CCSAP: variants seen among roughly 807,000 people sequenced by gnomAD.
CCSAP encodes the protein centriole, cilia and spindle associated protein.
In CCSAP, 17 loss-of-function variants were observed where a neutral mutation model predicts 25.9. The ratio of observed to expected loss-of-function variants is 0.66; its 90% CI spans 0.45 to 0.99. The LOEUF (loss-of-function observed/expected upper bound fraction) is 0.99. CCSAP is among the 50% of genes least tolerant of loss of function. The pLI, the probability that CCSAP is intolerant of heterozygous loss-of-function variation, is 0.00. For missense variants in CCSAP, 339 were observed against 367.8 expected (o/e 0.92, Z 0.64); for synonymous variants, 169 against 157.1 (o/e 1.08, Z -0.57).
At chr1:229,327,562 T>C (rs1238936460) in intron 2 of CCSAP, 1 of 456,008 alleles carries the variant, frequency 2.2e-6, no homozygotes, top group Non-Finnish European at 4.4e-6. Flanking sequence ...GCATTCCCTG[T>C]GGGAAGAGTT....
At chr1:229,330,254 A>T (rs1658036402) in intron 2 of CCSAP, among the ~76,000 whole-genome samples, 1 of 152,142 alleles carries the variant, frequency 6.6e-6, no homozygotes. Context: ...CCCCTAAAGG[A>T]TGAGGAAAGG....
intron 2 of CCSAP, among the ~76,000 whole-genome samples, chr1:229,328,800 C>A (rs982003382): frequency 3.9e-5 from 6 of 152,184 alleles, no homozygotes; most frequent in Non-Finnish European, 8.8e-5. Context: ...GGTCATCTGC[C>A]ACGTCTGCCT....
Position 229,326,816 on chromosome 1 carries a change from A to G in CCSAP, c.558T>C (p.Leu186=). The G allele has an allele frequency of 6.2e-7, 1 of 1,614,186 alleles. No individual in the cohort carries two copies. ...KIKENKHPFA[L]YGWGEKQTDT... The stretch of plus-strand genomic sequence containing the variant: ...CGGTCTGTTTTTCTCCCCAGCCATA[A>G]AGAGCAAATGGATGCTTGTTTTCTT... Residue 186 remains leucine, a synonymous_variant, in exon 3 of 4, where the codon CTT becomes CTC. Coordinates refer to ENST00000284617, the MANE Select transcript of CCSAP (RefSeq NM_145257.5).
intron 2 of CCSAP, among the ~76,000 whole-genome samples, chr1:229,331,964 T>C (rs891166720): frequency 3.3e-5 from 5 of 151,956 alleles, no homozygotes; most frequent in Non-Finnish European, 7.4e-5. Context: ...CACCTCAGCC[T>C]CCCAAATAGC....
At position 229,340,513 on chromosome 1, in the gene CCSAP, G is replaced by A. The variant is rs1439785659; in HGVS notation, c.367+1586C>T. 8.5e-6 allele frequency: 6 copies of A among 706,518 alleles called. No individual in the cohort carries two copies. In the African/African-American group the frequency reaches 8.8e-5, roughly 10 times the overall value. 43.8% of individuals were successfully genotyped at this position (706,518 alleles called of 1,614,324 possible). On this transcript the variant is annotated intron_variant, in intron 2 of 3. Coordinates refer to ENST00000284617, the MANE Select transcript of CCSAP (RefSeq NM_145257.5). ...CACAAACAATAAAAGATCGGGGAGA[G>A]AAAAGCCATTTAGCCTGATAAAGTA... is the stretch of plus-strand genomic sequence containing the variant.
At chr1:229,337,700 C>CAAATATATATAT (rs1658226621) in intron 2 of CCSAP, among the ~76,000 whole-genome samples, 1 of 45,628 alleles carries the variant, frequency 2.2e-5, no homozygotes, top group Non-Finnish European at 4.8e-5. Context: ...TATATATATA[C>CAAATATATATAT]ACATACATAT....
At chr1:229,329,683 G>C (rs1052635546) in intron 2 of CCSAP, among the ~76,000 whole-genome samples, 4 of 152,174 alleles carry the variant, frequency 2.6e-5, no homozygotes, top group Admixed American at 1.3e-4. Flanking sequence ...GGTGGTGCCA[G>C]GATGTTTTTT....
In CCSAP at chr1:229,321,783, C is replaced by G. The variant is rs1430911323; in HGVS notation, c.*3452G>C. ...ACTTTTGAACACTTTAAAGAAAGTA[C>G]AGTCGGCCCTCTGTATCCGTGAGTT... On this transcript the variant is annotated 3_prime_UTR_variant, in exon 4 of 4. Coordinates refer to ENST00000284617, the MANE Select transcript of CCSAP (RefSeq NM_145257.5). 6.6e-6 allele frequency: 1 copy of G among 152,194 alleles called. No homozygotes were observed. Among genetic ancestry groups the G allele is most frequent in the Non-Finnish European group, 1.5e-5 (1 of 68,034 alleles). The allele number at this position is 152,194 out of a possible 1,614,324, so 9.4% of individuals were successfully genotyped here. A position where few individuals can be genotyped will look rare whatever the true frequency, so the allele number is the denominator to read the frequency against.
At chr1:229,327,335 A>G (rs1657963577) in intron 2 of CCSAP, 2 of 363,294 alleles carry the variant, frequency 5.5e-6, no homozygotes, top group Non-Finnish European at 5.4e-6. Context: ...CAATCCCCCA[A>G]GATAAATCCA....
At position 229,322,637 on chromosome 1, in the gene CCSAP, C is replaced by T. The variant is rs1657852671; in HGVS notation, c.*2598G>A. On this transcript the variant is annotated 3_prime_UTR_variant, in exon 4 of 4. Transcript: ENST00000284617. ...ATAACATACATATAACCAGAGGTGC[C>T]AAGTATTTTAACATCTCCTAACTAA... 1 of 152,014 alleles carries T rather than the reference C, an allele frequency of 6.6e-6. No homozygotes were observed. The highest frequency in any genetic ancestry group is 1.5e-5 in the Non-Finnish European group (1 of 67,986). 9.4% of individuals were successfully genotyped at this position (152,014 alleles called of 1,614,324 possible). A position where few individuals can be genotyped will look rare whatever the true frequency, so the allele number is the denominator to read the frequency against.
chr1:229,329,687 G>GT (rs1658025221), intron 2 of CCSAP, among the ~76,000 whole-genome samples: 1 of 152,220 alleles, frequency 6.6e-6, no homozygotes, highest in East Asian at 1.9e-4. Flanking sequence ...GTGCCAGGAT[G>GT]TTTTTTTAAC....
intron 3 of CCSAP, among the ~76,000 whole-genome samples, chr1:229,326,159 G>C (rs766772421): frequency 1.3e-5 from 2 of 152,222 alleles, no homozygotes; most frequent in Non-Finnish European, 2.9e-5. Context: ...CTTGACACAG[G>C]AGAGACAAGC....
intron 2 of CCSAP, among the ~76,000 whole-genome samples, chr1:229,334,216 G>A (rs540424716): frequency 1.2e-4 from 18 of 152,200 alleles, no homozygotes; most frequent in East Asian, 1.9e-4. Context: ...GATTACAGGC[G>A]CACGCCACCA....
chr1:229,328,130 C>G (rs533100271), intron 2 of CCSAP, among the ~76,000 whole-genome samples: 1 of 152,122 alleles, frequency 6.6e-6, no homozygotes, highest in Non-Finnish European at 1.5e-5. Flanking sequence ...GAAATCAGTA[C>G]GATTCAGTAT....
Position 229,323,128 on chromosome 1 carries a change from A to G in CCSAP, c.*2107T>C, listed in dbSNP as rs2102689405. ...GGACTTGGATGTAAGATGAAGGCTT[A>G]CAATTCATACTGATTTATTAACCAT... On this transcript the variant is annotated 3_prime_UTR_variant, in exon 4 of 4. Transcript: ENST00000284617. 1 of 152,384 alleles carries G rather than the reference A, an allele frequency of 6.6e-6. No individual in the cohort carries two copies. Among genetic ancestry groups the G allele is most frequent in the African/African-American group, 2.4e-5 (1 of 41,604 alleles). The allele number at this position is 152,384 out of a possible 1,614,324, so 9.4% of individuals were successfully genotyped here.
At chr1:229,337,859 A>G (rs1442987301) in intron 2 of CCSAP, among the ~76,000 whole-genome samples, 1 of 151,110 alleles carries the variant, frequency 6.6e-6, no homozygotes, top group Non-Finnish European at 1.5e-5. Flanking sequence ...AATAAATAAG[A>G]AATAAGAAAC....
rs917087014 is a variant in CCSAP, at chr1:229,325,496, G to C, written c.637-85C>G. On this transcript the variant is annotated intron_variant, in intron 3 of 3. Coordinates refer to ENST00000284617, the MANE Select transcript of CCSAP (RefSeq NM_145257.5). ...AGAGGTTGCAATGAAGCTGGCTACTGCCAGGTCAACTGCAGCAGGGCAGAG... is the reference window on the plus strand; with the variant it reads ...AGAGGTTGCAATGAAGCTGGCTACTCCCAGGTCAACTGCAGCAGGGCAGAG... The C allele has an allele frequency of 3.8e-6, 5 of 1,314,004 alleles. No individual in the cohort carries two copies. In the Admixed American group the frequency reaches 1.1e-4, roughly 29 times the overall value. The allele number at this position is 1,314,004 out of a possible 1,614,324, so 81.4% of individuals were successfully genotyped here.
intron 2 of CCSAP, chr1:229,327,514 G>A (rs1193169074): frequency 2.2e-6 from 1 of 456,100 alleles, no homozygotes; most frequent in African/African-American, 2.0e-5. Context: ...GCACAACAGG[G>A]AGTGATTTCC....
At chr1:229,327,073 A>T in intron 2 of CCSAP, 67 bp from the exon 3 acceptor site, 1 of 1,303,864 alleles carries the variant, frequency 7.7e-7, no homozygotes, top group Non-Finnish European at 1.0e-6. Context: ...TAAAATATTT[A>T]TGTTGAAAAA....
Sources: allele counts gnomAD v4.1 joint callset (sites outside exome capture counted in the v4.1 genomes callset), GRCh38; gene constraint gnomAD v4.1.1; transcripts MANE v1.5; gene names NCBI Gene and HGNC (gene_info 2026-07-23, HGNC 2026-07-21).